Variants in CHD1 observed in about 807,000 individuals in gnomAD.
The protein encoded by CHD1 is ATP-dependent chromatin remodeler CHD1.
A neutral mutation model predicts 224.2 loss-of-function variants in CHD1; 36 were observed. That is an observed-to-expected ratio of 0.16 (90% confidence interval 0.12 to 0.21). CHD1 has a LOEUF of 0.21. Among genes scored for constraint, CHD1 ranks in the 10% least tolerant of loss-of-function variants. The pLI is 1.00. For missense variants in CHD1, 1,378 were observed against 1,994.8 expected (o/e 0.69, Z 5.89); for synonymous variants, 668 against 658.3 (o/e 1.01, Z -0.23).
rs67061692 is a variant in CHD1 at position 98,864,517 on chromosome 5, CAAAAAAAAAAAAAAA to C, written c.4249-946_4249-932del. ...CAACAGTGAGATCCTGATTCTATAC[CAAAAAAAAAAAAAAA>C]AAAAAAAAAAAAATTAGCCAAGCAT... On this transcript the variant is annotated intron_variant, in intron 31 of 35. Transcript: ENST00000614616. Among the ~76,000 whole-genome samples, 4 of 58,154 alleles carry C rather than the reference CAAAAAAAAAAAAAAA, an allele frequency of 6.9e-5. No homozygotes were observed. The Admixed American group carries it at 9.0e-4, about 13-fold the overall frequency. The allele number at this position is 58,154 out of a possible 152,430, so 38.2% of individuals were successfully genotyped here.
chr5:98,910,844 T>A (rs955008713), intron 2 of CHD1, among the ~76,000 whole-genome samples: 1 of 152,032 alleles, frequency 6.6e-6, no homozygotes. Flanking sequence ...AGGATGTACA[T>A]GTTGTTTTCA....
At chr5:98,879,501 C>G (rs1482190121) in intron 23 of CHD1, 51 bp downstream of exon 23, 1 of 1,507,524 alleles carries the variant, frequency 6.6e-7, no homozygotes, top group Non-Finnish European at 8.9e-7. Context: ...AAAATCAGCC[C>G]AGGTTGAATA....
At position 98,869,300 on chromosome 5, in the gene CHD1, A is replaced by G. The variant is rs557339752; in HGVS notation, c.4107+454T>C. 3.4e-5 allele frequency: 34 copies of G among 986,242 alleles called. 2 individuals carry two copies. The South Asian group carries it at 1.5e-3, about 43-fold the overall frequency. 61.1% of individuals were successfully genotyped at this position (986,242 alleles called of 1,614,324 possible). A position where few individuals can be genotyped will look rare whatever the true frequency, so the allele number is the denominator to read the frequency against. ...ATCCTGGAAAGTGCAAGTATGGCCA[A>G]TGTATTACTAACCAAATTTTAACAA... On this transcript the variant is annotated intron_variant, in intron 30 of 35. Coordinates refer to ENST00000614616, the MANE Select transcript of CHD1 (RefSeq NM_001270.4).
At chr5:98,880,927 A>G in intron 22 of CHD1, 149 bp downstream of exon 22, 1 of 623,346 alleles carries the variant, frequency 1.6e-6, no homozygotes, top group Non-Finnish European at 2.8e-6. Flanking sequence ...TCAGTTTGCT[A>G]CTGGTTTGTC....
intron 31 of CHD1, among the ~76,000 whole-genome samples, chr5:98,866,219 A>AT (rs1222120557): frequency 2.0e-5 from 3 of 152,220 alleles, no homozygotes; most frequent in Admixed American, 6.5e-5. Flanking sequence ...AAGTCCAGAG[A>AT]TAAAAAATAT....
Position 98,907,023 on chromosome 5 carries a change from T to C in CHD1, c.54-1925A>G, listed in dbSNP as rs143036246. 5.2e-4 allele frequency among the ~76,000 whole-genome samples: 79 copies of C among 152,320 alleles called. 1 individual carries two copies. Among genetic ancestry groups the C allele is most frequent in the African/African-American group, 1.9e-3 (78 of 41,572 alleles). ...AGATGAATGATTAAATTGTGGGGGCTATTGTGGGCCTGTAATTCTCATTAG... is the reference window on the plus strand; with the variant it reads ...AGATGAATGATTAAATTGTGGGGGCCATTGTGGGCCTGTAATTCTCATTAG... On this transcript the variant is annotated intron_variant, in intron 2 of 35. Transcript: ENST00000614616.
At position 98,892,652 on chromosome 5, in the gene CHD1, T is replaced by C. The variant is rs766895746; in HGVS notation, c.2053A>G (p.Ser685Gly). ...HGKGREYGYA[S>G]LHKELEPFLL... Reference sequence around the variant, plus strand: ...AATGGCTCAAGCTCCTTGTGAAGGCTTGCATAACCATATTCTCTCCCTTTG... The same window carrying C: ...AATGGCTCAAGCTCCTTGTGAAGGCCTGCATAACCATATTCTCTCCCTTTG... The change falls in exon 15 of 36, where the codon AGC becomes GGC. Residue 685 changes from serine to glycine, a missense_variant. Physicochemically the swap from Ser to Gly is moderately conservative, Grantham distance 56 (BLOSUM62 0). This residue lies in a region of CHD1 where 37 missense variants were observed against 118.9 expected (regional missense o/e 0.31). Transcript: ENST00000614616. 6.2e-7 allele frequency: 1 copy of C among 1,613,866 alleles called. No individual in the cohort carries two copies. Among genetic ancestry groups the C allele is most frequent in the Non-Finnish European group, 8.5e-7 (1 of 1,179,800 alleles).
At position 98,904,043 on chromosome 5, in the gene CHD1, C is replaced by A. The variant is rs1751890231; in HGVS notation, c.256-135G>T. 1.9e-5 allele frequency: 11 copies of A among 590,320 alleles called. No homozygotes were observed. In the South Asian group the frequency reaches 2.3e-4, roughly 12 times the overall value. 36.6% of individuals were successfully genotyped at this position (590,320 alleles called of 1,614,324 possible). Reference sequence around the variant, plus strand: ...GACTATATTCCTTACCTATATGTAACACAATTATCATTGCAATATAGTTAA... The same window carrying A: ...GACTATATTCCTTACCTATATGTAAAACAATTATCATTGCAATATAGTTAA... On this transcript the variant is annotated intron_variant, in intron 3 of 35. Coordinates refer to ENST00000614616, the MANE Select transcript of CHD1 (RefSeq NM_001270.4).
At chr5:98,926,556 A>T (rs1753467601) in intron 1 of CHD1, 22 bp from the exon 2 acceptor site, 2 of 401,414 alleles carry the variant, frequency 5.0e-6, no homozygotes, top group Non-Finnish European at 8.7e-6. Flanking sequence ...ATATTAATAA[A>T]TTAACAAAAT....
intron 10 of CHD1, among the ~76,000 whole-genome samples, chr5:98,898,046 T>TA (rs1751457756): frequency 8.0e-6 from 1 of 124,794 alleles, no homozygotes; most frequent in African/African-American, 3.9e-5. Flanking sequence ...TACAATTTTT[T>TA]TAAGAGAAAG....
intron 31 of CHD1, 27 bp downstream of exon 31, chr5:98,868,468 C>A (rs1235038510): frequency 1.3e-6 from 2 of 1,556,984 alleles, no homozygotes; most frequent in Non-Finnish European, 1.7e-6. Flanking sequence ...TGAGTTAATA[C>A]TAATAATCAG....
chr5:98,863,354 A>G (rs1748621193), intron 32 of CHD1, 54 bp downstream of exon 32: 1 of 1,071,320 alleles, frequency 9.3e-7, no homozygotes, highest in East Asian at 2.9e-5. Context: ...CAAAAAAAAA[A>G]AAAGACAGTT....
At chr5:98,879,331 C>T (rs976122632) in intron 23 of CHD1, among the ~76,000 whole-genome samples, 1 of 152,124 alleles carries the variant, frequency 6.6e-6, no homozygotes, top group Non-Finnish European at 1.5e-5. Context: ...ATTAAAAACA[C>T]ACACACACAC....
chr5:98,881,258 T>A, intron 21 of CHD1, 21 bp downstream of exon 21: 2 of 1,177,914 alleles, frequency 1.7e-6, no homozygotes, highest in Non-Finnish European at 2.3e-6. Context: ...AGGCCTTTTT[T>A]TTTTTTTTTT....
chr5:98,871,690 T>C (rs947001057), intron 28 of CHD1, among the ~76,000 whole-genome samples: 2 of 152,168 alleles, frequency 1.3e-5, no homozygotes, highest in African/African-American at 4.8e-5. Context: ...GTTACCCTGA[T>C]TGCATCTTTA....
At chr5:98,911,142 A>ATAT (rs1423938810) in intron 2 of CHD1, among the ~76,000 whole-genome samples, 10 of 81,344 alleles carry the variant, frequency 1.2e-4, no homozygotes, top group African/African-American at 3.7e-4. Flanking sequence ...AAAAAAAAAA[A>ATAT]AAAAATATAT....
intron 1 of CHD1, among the ~76,000 whole-genome samples, chr5:98,927,909 G>C (rs1345977785): frequency 6.6e-6 from 1 of 152,152 alleles, no homozygotes; most frequent in Non-Finnish European, 1.5e-5. Context: ...GTCCTCTCAA[G>C]CGTCTCCACA....
At chr5:98,877,757 G>C (rs1330876261) in intron 23 of CHD1, among the ~76,000 whole-genome samples, 2 of 152,012 alleles carry the variant, frequency 1.3e-5, no homozygotes, top group Non-Finnish European at 2.9e-5. Flanking sequence ...AACTACTTAG[G>C]GGTTTGGAGA....
In CHD1 at chr5:98,881,059, AT is replaced by A. The variant is rs758707565; in HGVS notation, c.3060+16del. On this transcript the variant is annotated intron_variant, in intron 22 of 35. Coordinates refer to ENST00000614616, the MANE Select transcript of CHD1 (RefSeq NM_001270.4). Reference sequence around the variant, plus strand: ...CTCAATTTATGTAATTACAAGGAAAATTTTGTTTAAATCTACCTTGAACTGG... The same window carrying A: ...CTCAATTTATGTAATTACAAGGAAAATTTGTTTAAATCTACCTTGAACTGG... The A allele has an allele frequency of 1.3e-6, 2 of 1,500,826 alleles. No individual in the cohort carries two copies. Among genetic ancestry groups the A allele is most frequent in the South Asian group, 1.2e-5 (1 of 86,298 alleles). The allele number at this position is 1,500,826 out of a possible 1,614,324, so 93.0% of individuals were successfully genotyped here. A position where few individuals can be genotyped will look rare whatever the true frequency, so the allele number is the denominator to read the frequency against.
Sources: allele counts gnomAD v4.1 joint callset (sites outside exome capture counted in the v4.1 genomes callset), GRCh38; gene constraint gnomAD v4.1.1; regional missense constraint gnomAD v4.1.1; transcripts MANE v1.5; gene names NCBI Gene and HGNC (gene_info 2026-07-23, HGNC 2026-07-21).